FSTL5: variants seen among roughly 807,000 people sequenced by gnomAD.
The protein encoded by FSTL5 is follistatin like 5.
FSTL5 carries 62 observed loss-of-function variants against 89.1 expected under a neutral mutation model. That is an observed-to-expected ratio of 0.70 (90% CI 0.57 to 0.86). The LOEUF is 0.86. Among genes scored for constraint, FSTL5 ranks in the 40% least tolerant of loss-of-function variants. The pLI is 0.00. For missense variants in FSTL5, 1,057 were observed against 1,001.6 expected (o/e 1.06, Z -0.75); for synonymous variants, 383 against 346.2 (o/e 1.11, Z -1.18).
chr4:161,994,800 T>C (rs1578928970), intron 3 of FSTL5, among the ~76,000 whole-genome samples: 2 of 152,300 alleles, frequency 1.3e-5, no homozygotes, highest in African/African-American at 4.8e-5. Flanking sequence ...AGATGCACAG[T>C]TTGCAAAAGT....
At chr4:162,069,229 C>A (rs1295417263) in intron 2 of FSTL5, among the ~76,000 whole-genome samples, 1 of 151,918 alleles carries the variant, frequency 6.6e-6, no homozygotes, top group Non-Finnish European at 1.5e-5. Flanking sequence ...CCTTGATATT[C>A]TATTTTTAAA....
At chr4:161,914,651 T>C (rs2033402) in intron 4 of FSTL5, among the ~76,000 whole-genome samples, 132,680 of 152,062 alleles carry the variant, frequency 0.87, 58,918 homozygotes, top group Non-Finnish European at 0.96. Context: ...TATCTAAAAT[T>C]GGAAAATTGA....
chr4:161,939,923 G>A (rs931407171), intron 3 of FSTL5, among the ~76,000 whole-genome samples: 2 of 151,704 alleles, frequency 1.3e-5, no homozygotes, highest in African/African-American at 4.8e-5. Flanking sequence ...AACAAACTAA[G>A]AGAATGCTAA....
rs138075951 is a variant in FSTL5, at chr4:161,675,207, A to G, written c.728-18713T>C. Among the ~76,000 whole-genome samples the G allele has an allele frequency of 5.6e-3, 846 of 150,436 alleles. 8 individuals are homozygous for G. Among genetic ancestry groups the G allele is most frequent in the African/African-American group, 0.02 (807 of 39,922 alleles). On this transcript the variant is annotated intron_variant, in intron 6 of 15. Coordinates refer to ENST00000306100, the MANE Select transcript of FSTL5 (RefSeq NM_020116.5). ...CTACTTACTCTCATTAAGAAACGTC[A>G]CACAAAACTATGTGACAACATATTT...
chr4:161,778,507 G>A (rs1018069462), intron 4 of FSTL5, among the ~76,000 whole-genome samples: 1 of 152,072 alleles, frequency 6.6e-6, no homozygotes, highest in African/African-American at 2.4e-5. Context: ...ATTCTCTTTC[G>A]AGACAAAATG....
intron 4 of FSTL5, among the ~76,000 whole-genome samples, chr4:161,871,521 A>G (rs1419753956): frequency 6.6e-6 from 1 of 152,106 alleles, no homozygotes; most frequent in Admixed American, 6.6e-5. Context: ...ACCTAGTTTC[A>G]TTTTATGGAT....
At chr4:161,696,694 T>C (rs1453825195) in intron 6 of FSTL5, among the ~76,000 whole-genome samples, 1 of 152,178 alleles carries the variant, frequency 6.6e-6, no homozygotes, top group Non-Finnish European at 1.5e-5. Flanking sequence ...CCTAAATACT[T>C]TATATTTTTT....
intron 4 of FSTL5, among the ~76,000 whole-genome samples, chr4:161,826,301 G>A (rs1056029167): frequency 3.9e-5 from 6 of 151,952 alleles, no homozygotes; most frequent in Non-Finnish European, 8.8e-5. Flanking sequence ...CTATCATATG[G>A]TCTCTCTTGG....
At chr4:161,845,752 G>T (rs988210895) in intron 4 of FSTL5, among the ~76,000 whole-genome samples, 1 of 151,940 alleles carries the variant, frequency 6.6e-6, no homozygotes, top group East Asian at 1.9e-4. Context: ...TTTATCTGAC[G>T]TCAAGAATTG....
At chr4:161,819,782 G>A (rs1052621405) in intron 4 of FSTL5, among the ~76,000 whole-genome samples, 1 of 151,702 alleles carries the variant, frequency 6.6e-6, no homozygotes, top group Non-Finnish European at 1.5e-5. Context: ...AATAAAACTG[G>A]GGTAAAAAAT....
At chr4:161,844,690 C>A (rs1280412560) in intron 4 of FSTL5, among the ~76,000 whole-genome samples, 1 of 152,108 alleles carries the variant, frequency 6.6e-6, no homozygotes, top group East Asian at 1.9e-4. Context: ...AACACAGGAA[C>A]AGAAAACCAA....
At chr4:161,853,363 G>A (rs2126882995) in intron 4 of FSTL5, among the ~76,000 whole-genome samples, 1 of 151,630 alleles carries the variant, frequency 6.6e-6, no homozygotes, top group Non-Finnish European at 1.5e-5. Context: ...CGCTTCCTGG[G>A]TTCAAGTGAT....
intron 15 of FSTL5, among the ~76,000 whole-genome samples, chr4:161,393,261 G>A (rs1730882003): frequency 6.6e-6 from 1 of 150,864 alleles, no homozygotes; most frequent in Non-Finnish European, 1.5e-5. Flanking sequence ...GATAGTAACT[G>A]AAAAAAAAAT....
chr4:162,163,001 T>C (rs1733751738), intron 1 of FSTL5, among the ~76,000 whole-genome samples: 1 of 152,180 alleles, frequency 6.6e-6, no homozygotes, highest in Non-Finnish European at 1.5e-5. Flanking sequence ...GGGTGTGGAA[T>C]GCTCAGAGAC....
At chr4:162,039,816 C>T (rs1737878541) in intron 2 of FSTL5, among the ~76,000 whole-genome samples, 1 of 151,810 alleles carries the variant, frequency 6.6e-6, no homozygotes. Flanking sequence ...CTGCAGTAGT[C>T]AAAAGTGATA....
chr4:162,065,987 A>C (rs1253879747), intron 2 of FSTL5, among the ~76,000 whole-genome samples: 1 of 152,072 alleles, frequency 6.6e-6, no homozygotes, highest in Non-Finnish European at 1.5e-5. Context: ...ATGTATATAT[A>C]AAGTACAGTT....
chr4:162,135,407 A>T (rs1732486365), intron 1 of FSTL5, among the ~76,000 whole-genome samples: 1 of 152,144 alleles, frequency 6.6e-6, no homozygotes, highest in Admixed American at 6.5e-5. Flanking sequence ...TACAGATAAG[A>T]AAAACTATAA....
chr4:161,777,258 T>TATATAC (rs1476285594), intron 4 of FSTL5, among the ~76,000 whole-genome samples: 2 of 147,266 alleles, frequency 1.4e-5, no homozygotes, highest in South Asian at 2.1e-4. Flanking sequence ...TATATATATA[T>TATATAC]ATACACACAC....
chr4:161,941,325 TTA>T (rs1251915506), intron 3 of FSTL5, among the ~76,000 whole-genome samples: 1 of 151,858 alleles, frequency 6.6e-6, no homozygotes. Context: ...TCTAAATGGA[TTA>T]AAGTCTTATT....
Sources: gnomAD v4.1 joint callset for allele counts (sites outside exome capture counted in the v4.1 genomes callset) on GRCh38, gnomAD v4.1.1 for gene constraint, MANE v1.5 for transcripts, NCBI Gene and HGNC (gene_info 2026-07-23, HGNC 2026-07-21) for gene names.